The following DNAH14 variants were observed in gnomAD, a reference collection of about 807,000 sequenced individuals.
The protein encoded by DNAH14 is dynein axonemal heavy chain 14, also known as axonemal beta dynein heavy chain 14.
Under a neutral mutation model 520.9 loss-of-function variants are expected in DNAH14, and 478 were observed. The ratio of observed to expected loss-of-function variants is 0.92; its 90% CI spans 0.85 to 0.99. DNAH14 has a LOEUF of 0.99. Among genes scored for constraint, DNAH14 ranks in the 50% least tolerant of loss-of-function variants. The pLI is 0.00. For synonymous variants in DNAH14, 1,581 were observed against 1,757.2 expected, an observed-to-expected ratio of 0.90 and a Z score of 2.51; for missense variants, 4,831 against 5,234.5, an observed-to-expected ratio of 0.92 and a Z score of 2.38.
intron 41 of DNAH14, among the ~76,000 whole-genome samples, chr1:225,210,079 C>T (rs146540764): frequency 6.0e-4 from 92 of 152,112 alleles, no homozygotes; most frequent in Middle Eastern, 3.4e-3. Flanking sequence ...GTGGCTATTA[C>T]GGCAGACACC....
rs565078852 is a variant in DNAH14 at position 224,987,847 on chromosome 1, C to T, written c.830+13694C>T. 9.9e-5 allele frequency among the ~76,000 whole-genome samples: 15 copies of T among 152,010 alleles called. No homozygotes were observed. In the South Asian group the frequency reaches 2.3e-3, roughly 23 times the overall value. On this transcript the variant is annotated intron_variant, in intron 8 of 85. Coordinates refer to ENST00000682510, the MANE Select transcript of DNAH14 (RefSeq NM_001367479.1). Reference sequence around the variant, plus strand: ...TTCACTATGTTGGCCAGGCTGGTCTCGAACTCCTGACCTCATGATCCACCT... The same window carrying T: ...TTCACTATGTTGGCCAGGCTGGTCTTGAACTCCTGACCTCATGATCCACCT...
intron 10 of DNAH14, among the ~76,000 whole-genome samples, chr1:225,016,745 TC>T (rs982214197): frequency 6.6e-6 from 1 of 151,890 alleles, no homozygotes; most frequent in African/African-American, 2.4e-5. Context: ...CTTTTTCTTT[TC>T]TTTTTTTTTG....
intron 19 of DNAH14, among the ~76,000 whole-genome samples, chr1:225,081,697 G>A (rs1307346166): frequency 1.3e-5 from 2 of 152,160 alleles, no homozygotes; most frequent in Admixed American, 6.5e-5. Flanking sequence ...TTTTTTGAGT[G>A]TATGGGTGAA....
At chr1:224,974,837 A>G (rs987230976) in intron 8 of DNAH14, among the ~76,000 whole-genome samples, 4 of 152,160 alleles carry the variant, frequency 2.6e-5, no homozygotes, top group African/African-American at 9.7e-5. Context: ...GTTTTTGCCC[A>G]TTCAGTATGA....
At chr1:225,388,552 G>T in intron 82 of DNAH14, 61 bp downstream of exon 82, 1 of 977,564 alleles carries the variant, frequency 1.0e-6, no homozygotes, top group Admixed American at 2.1e-5. Context: ...AAAGGTTTAT[G>T]ACATCATTTC....
rs111231449 is a variant in DNAH14, at chr1:225,208,489, A to G, written c.6439+1269A>G. 2.5e-3 allele frequency among the ~76,000 whole-genome samples: 383 copies of G among 152,306 alleles called. 2 individuals carry two copies. Among genetic ancestry groups the G allele is most frequent in the African/African-American group, 8.5e-3 (353 of 41,574 alleles). On this transcript the variant is annotated intron_variant, in intron 41 of 85. Coordinates refer to ENST00000682510, the MANE Select transcript of DNAH14 (RefSeq NM_001367479.1). The stretch of plus-strand genomic sequence containing the variant: ...TATTATGTATTTTAAATATACAACA[A>G]ATATGTTTCTATAATACAGAAATAT...
chr1:225,203,544 A>G (rs141672345), intron 38 of DNAH14, among the ~76,000 whole-genome samples: 98 of 152,278 alleles, frequency 6.4e-4, no homozygotes, highest in African/African-American at 2.3e-3. Flanking sequence ...ATGATATATT[A>G]CTCAGCTCTT....
intron 36 of DNAH14, among the ~76,000 whole-genome samples, chr1:225,181,179 G>T (rs1600529): frequency 0.32 from 47,903 of 152,060 alleles, 8,732 homozygotes; most frequent in East Asian, 0.61. Context: ...TATGGATGCA[G>T]AGTATTTTAT....
intron 11 of DNAH14, among the ~76,000 whole-genome samples, chr1:225,030,613 G>C (rs2066454133): frequency 6.6e-6 from 1 of 151,862 alleles, no homozygotes; most frequent in Non-Finnish European, 1.5e-5. Flanking sequence ...AATCACTCCA[G>C]TAGTTTGTTG....
At chr1:225,117,660 T>C (rs761893960) in intron 23 of DNAH14, 24 bp from the exon 24 acceptor site, 1 of 1,389,172 alleles carries the variant, frequency 7.2e-7, no homozygotes, top group South Asian at 1.3e-5. Context: ...TATTCTGAAT[T>C]GCATTTCTTT....
At chr1:225,398,145 T>A (rs1485011654) in intron 84 of DNAH14, 1 of 163,386 alleles carries the variant, frequency 6.1e-6, no homozygotes, top group African/African-American at 2.4e-5. Flanking sequence ...TAGGTGACAA[T>A]GTTTGAGCAC....
chr1:225,226,073 C>T (rs1428340729), intron 41 of DNAH14, among the ~76,000 whole-genome samples: 1 of 152,200 alleles, frequency 6.6e-6, no homozygotes, highest in Non-Finnish European at 1.5e-5. Flanking sequence ...TTGCAACTCT[C>T]ATAGGGTAAT....
chr1:225,257,516 C>T (rs1458125009), intron 44 of DNAH14, among the ~76,000 whole-genome samples: 2 of 151,890 alleles, frequency 1.3e-5, no homozygotes, highest in African/African-American at 4.8e-5. Context: ...TCTGCATAGC[C>T]ATGTACTTTT....
At chr1:225,124,112 A>T (rs2148898007) in intron 27 of DNAH14, among the ~76,000 whole-genome samples, 1 of 152,300 alleles carries the variant, frequency 6.6e-6, no homozygotes, top group East Asian at 1.9e-4. Context: ...TGCCTTAATT[A>T]AAAATACTTT....
In DNAH14 at chr1:225,388,419, T is replaced by A. The variant is rs980433471; in HGVS notation, c.13118T>A (p.Ile4373Asn). 6.5e-7 allele frequency: 1 copy of A among 1,535,644 alleles called. No individual in the cohort carries two copies. Among genetic ancestry groups the A allele is most frequent in the Non-Finnish European group, 8.8e-7 (1 of 1,134,068 alleles). The part of the protein sequence containing the change: ...YRSCKPLSSW[I>N]DDLIQRLNFF... ...TCTTGTAAGCCACTGAGTTCCTGGA[T>A]TGATGATCTCATCCAGCGACTGAAT... The change falls in exon 82 of 86, where the codon ATT becomes AAT. Residue 4373 changes from isoleucine to asparagine, a missense_variant. By Grantham distance (149) the Ile-to-Asn change is moderately radical (BLOSUM62 -3). Coordinates refer to ENST00000682510, the MANE Select transcript of DNAH14 (RefSeq NM_001367479.1).
chr1:224,977,111 G>A, intron 8 of DNAH14, among the ~76,000 whole-genome samples: 1 of 151,766 alleles, frequency 6.6e-6, no homozygotes, highest in Non-Finnish European at 1.5e-5. Flanking sequence ...ATGATAGACT[G>A]GATTAAGAAA....
rs766861865 is a variant in DNAH14, at chr1:225,318,569, T to C, written c.9241-14T>C. On this transcript the variant is annotated splice_polypyrimidine_tract_variant and intron_variant, in intron 60 of 85. Transcript: ENST00000682510. ...TGATTCATATGTGTTTGGGGACCTA[T>C]ATTTTTATTGCAGAAAACTGCCAAT... 3.9e-6 allele frequency: 6 copies of C among 1,539,082 alleles called. No homozygotes were observed. Among genetic ancestry groups the C allele is most frequent in the African/African-American group, 1.4e-5 (1 of 72,348 alleles).
chr1:225,003,999 A>G (rs896390965), intron 9 of DNAH14, among the ~76,000 whole-genome samples: 24 of 152,116 alleles, frequency 1.6e-4, no homozygotes, highest in African/African-American at 5.6e-4. Flanking sequence ...GATAGAGAAC[A>G]TTACTAGTGA....
chr1:225,337,783 T>C (rs1973514), intron 67 of DNAH14, among the ~76,000 whole-genome samples: 17,147 of 152,182 alleles, frequency 0.11, 1,153 homozygotes, highest in East Asian at 0.26. Context: ...AAGATGTTTT[T>C]GAAACAGGCA....
Sources: gnomAD v4.1 joint callset for allele counts (sites outside exome capture counted in the v4.1 genomes callset) on GRCh38, gnomAD v4.1.1 for gene constraint, MANE v1.5 for transcripts, NCBI Gene and HGNC (gene_info 2026-07-23, HGNC 2026-07-21) for gene names.